Variants in IARS2 observed in about 807,000 individuals in gnomAD.
IARS2 encodes isoleucyl-tRNA synthetase 2, mitochondrial, also known as isoleucine--tRNA ligase, mitochondrial.
In IARS2, 56 loss-of-function variants were observed where a neutral mutation model predicts 126.3. The observed-to-expected ratio is 0.44, with a 90% CI of 0.36 to 0.55. The LOEUF is 0.55. IARS2 is among the 20% of genes least tolerant of loss of function. IARS2 has a pLI of 0.00. For synonymous variants in IARS2, 407 were observed against 441.1 expected, an observed-to-expected ratio of 0.92 and a Z score of 0.97; for missense variants, 1,127 against 1,245.9, an observed-to-expected ratio of 0.90 and a Z score of 1.44.
chr1:220,119,490 G>T (rs1428991965), intron 12 of IARS2, among the ~76,000 whole-genome samples: 2 of 151,978 alleles, frequency 1.3e-5, no homozygotes, highest in African/African-American at 4.8e-5. Context: ...GACAAATTAG[G>T]AATTTTCCTG....
At chr1:220,106,544 T>C (rs1656684580) in intron 9 of IARS2, among the ~76,000 whole-genome samples, 2 of 152,200 alleles carry the variant, frequency 1.3e-5, no homozygotes, top group South Asian at 2.1e-4. Flanking sequence ...TATTAAAGTT[T>C]ATGGATATGC....
In IARS2 at chr1:220,123,650, AT is replaced by A. The variant is rs971076201; in HGVS notation, c.1641-1579del. ...CACCATGCCCGGCTAATTTTTTTGT[AT>A]TTTTTTTAGTAGAGATGGGGTTTCA... On this transcript the variant is annotated intron_variant, in intron 12 of 22. Coordinates refer to ENST00000366922, the MANE Select transcript of IARS2 (RefSeq NM_018060.4). Among the ~76,000 whole-genome samples, 7 of 150,930 alleles carry A rather than the reference AT, an allele frequency of 4.6e-5. No individual in the cohort carries two copies. The South Asian group carries it at 6.3e-4, about 14-fold the overall frequency.
chr1:220,098,984 G>A (rs1025298390), intron 2 of IARS2, among the ~76,000 whole-genome samples: 8 of 151,982 alleles, frequency 5.3e-5, no homozygotes, highest in African/African-American at 9.6e-5. Flanking sequence ...AGGCTGAGGC[G>A]GGCAGATCAT....
At chr1:220,121,335 C>A (rs1657047858) in intron 12 of IARS2, among the ~76,000 whole-genome samples, 1 of 151,980 alleles carries the variant, frequency 6.6e-6, no homozygotes, top group African/African-American at 2.4e-5. Flanking sequence ...GTATAAAACA[C>A]AAAATTACAT....
At chr1:220,106,893 A>C (rs965286854) in intron 9 of IARS2, among the ~76,000 whole-genome samples, 168 bp from the exon 10 acceptor site, 9 of 152,096 alleles carry the variant, frequency 5.9e-5, no homozygotes, top group Non-Finnish European at 2.9e-5. Context: ...CGACCTCCCA[A>C]AGTGCTGGGA....
chr1:220,117,488 C>G (rs1224755323), intron 12 of IARS2, among the ~76,000 whole-genome samples: 3 of 152,060 alleles, frequency 2.0e-5, no homozygotes, highest in Admixed American at 6.6e-5. Flanking sequence ...GCGTGAGCCA[C>G]TGTGCCCGGC....
intron 21 of IARS2, among the ~76,000 whole-genome samples, chr1:220,143,769 A>T (rs1365181130): frequency 6.6e-6 from 1 of 152,068 alleles, no homozygotes; most frequent in African/African-American, 2.4e-5. Flanking sequence ...CATTTATCCT[A>T]TTTTTATTTC....
At chr1:220,106,154 T>A (rs1656675626) in intron 9 of IARS2, 94 bp downstream of exon 9, 2 of 1,060,938 alleles carry the variant, frequency 1.9e-6, no homozygotes, top group East Asian at 5.1e-5. Context: ...AAATGATGAC[T>A]TTTGTCATCA....
At chr1:220,098,610 A>G (rs571389543) in intron 2 of IARS2, among the ~76,000 whole-genome samples, 3 of 152,336 alleles carry the variant, frequency 2.0e-5, no homozygotes, top group East Asian at 1.9e-4. Flanking sequence ...CTTGACATAC[A>G]GTAGGCATTC....
chr1:220,131,540 G>A (rs956097276), intron 14 of IARS2, among the ~76,000 whole-genome samples: 10 of 152,000 alleles, frequency 6.6e-5, no homozygotes, highest in African/African-American at 2.4e-4. Flanking sequence ...TAGTAGAGAC[G>A]GGGTTTCTCC....
chr1:220,133,944 G>GA (rs796631656), intron 14 of IARS2, among the ~76,000 whole-genome samples: 137 of 139,294 alleles, frequency 9.8e-4, no homozygotes, highest in Non-Finnish European at 9.7e-4. Context: ...GTGGAAAGAG[G>GA]AAAAAAAAAA....
intron 18 of IARS2, among the ~76,000 whole-genome samples, chr1:220,139,830 A>G (rs1199561926): frequency 6.6e-6 from 1 of 152,170 alleles, no homozygotes; most frequent in Non-Finnish European, 1.5e-5. Flanking sequence ...GTACATACCA[A>G]TTTTGCCCAA....
At position 220,107,068 on chromosome 1, in the gene IARS2, T is replaced by C. The variant is rs1360777092; in HGVS notation, c.1244T>C (p.Leu415Pro). The change falls in exon 10 of 23, where the codon CTA (leucine) becomes CCA (proline). Residue 415 changes from leucine (L) to proline (P), a missense_variant. Physicochemically the swap from Leu to Pro is moderately conservative, Grantham distance 98 (BLOSUM62 -3). Coordinates refer to ENST00000366922, the MANE Select transcript of IARS2 (RefSeq NM_018060.4). ...ASQHNLPMDCLVDEDGVFTDV... is the reference protein window; with the variant it reads ...ASQHNLPMDCPVDEDGVFTDV... The stretch of plus-strand genomic sequence containing the variant: ...CAAAATGATACTTTATAGGATTGTC[T>C]AGTGGACGAAGATGGAGTTTTCACA... 6.9e-6 allele frequency: 11 copies of C among 1,604,314 alleles called. No individual in the cohort carries two copies. The highest frequency in any genetic ancestry group is 8.5e-6 in the Non-Finnish European group (10 of 1,171,156).
chr1:220,122,614 G>A (rs902603457), intron 12 of IARS2, among the ~76,000 whole-genome samples: 5 of 152,146 alleles, frequency 3.3e-5, no homozygotes, highest in Admixed American at 2.0e-4. Flanking sequence ...CTAAGGTGCA[G>A]AACAAATCAT....
Position 220,135,609 on chromosome 1 carries a change from C to T in IARS2, c.1946+1099C>T, listed in dbSNP as rs571966880. On this transcript the variant is annotated intron_variant, in intron 15 of 22. Coordinates refer to ENST00000366922, the MANE Select transcript of IARS2 (RefSeq NM_018060.4). ...TCCTGCTCTCAAGGGATTCACCCTC[C>T]TGAGCCTCCCAAAGTGCTGGGATTA... Among the ~76,000 whole-genome samples the T allele has an allele frequency of 2.6e-5, 4 of 152,234 alleles. No homozygotes were observed. The East Asian group carries it at 7.7e-4, about 29-fold the overall frequency.
Position 220,105,878 on chromosome 1 carries a change from T to C in IARS2, c.1067-13T>C. 6.2e-7 allele frequency: 1 copy of C among 1,612,122 alleles called. No homozygotes were observed. The highest frequency in any genetic ancestry group is 8.5e-7 in the Non-Finnish European group (1 of 1,178,180). Reference sequence around the variant, plus strand: ...ATAAAATGATTCTTAATAGTGGTTTTCTTTCCCCACAGGTGTAGATTTGGA... The same window carrying C: ...ATAAAATGATTCTTAATAGTGGTTTCCTTTCCCCACAGGTGTAGATTTGGA... On this transcript the variant is annotated splice_polypyrimidine_tract_variant and intron_variant, in intron 8 of 22. Transcript: ENST00000366922.
At chr1:220,141,074 A>G (rs1300962301) in intron 19 of IARS2, among the ~76,000 whole-genome samples, 1 of 152,092 alleles carries the variant, frequency 6.6e-6, no homozygotes, top group Non-Finnish European at 1.5e-5. Flanking sequence ...ATTTGGGGCA[A>G]CTTATTCTGT....
Sources: gnomAD v4.1 joint callset for allele counts (sites outside exome capture counted in the v4.1 genomes callset) on GRCh38, gnomAD v4.1.1 for gene constraint, MANE v1.5 for transcripts, NCBI Gene and HGNC (gene_info 2026-07-23, HGNC 2026-07-21) for gene names.